Variants in PGM2 observed in about 807,000 individuals in gnomAD.
The protein encoded by PGM2 is phosphoglucomutase 2.
PGM2 carries 57 observed loss-of-function variants against 74.6 expected under a neutral mutation model. That is an observed-to-expected ratio of 0.76 (90% CI 0.62 to 0.95). The LOEUF is 0.95. PGM2 is among the 40% of genes least tolerant of loss of function. The pLI is 0.00. For synonymous variants in PGM2, 273 were observed against 260.7 expected, an observed-to-expected ratio of 1.05 and a Z score of -0.46; for missense variants, 706 against 741.9, an observed-to-expected ratio of 0.95 and a Z score of 0.56.
intron 7 of PGM2, 44 bp from the exon 8 acceptor site, chr4:37,845,589 C>A: frequency 7.6e-7 from 1 of 1,308,244 alleles, no homozygotes; most frequent in Non-Finnish European, 1.1e-6. Context: ...ATCATATGCT[C>A]GATTCTTGAT....
chr4:37,861,976 A>C lies in PGM2; in HGVS notation c.*364A>C, dbSNP rs1711792777. On this transcript the variant is annotated 3_prime_UTR_variant, in exon 14 of 14. Coordinates refer to ENST00000381967, the MANE Select transcript of PGM2 (RefSeq NM_018290.4). ...TAATGTGTGCTTGAAATATCCAGAA[A>C]ACCTATGGAGTTAGTAAATTCTGGG... 1 of 173,938 alleles carries C rather than the reference A, an allele frequency of 5.7e-6. No homozygotes were observed. 10.8% of individuals were successfully genotyped at this position (173,938 alleles called of 1,614,324 possible).
chr4:37,845,330 C>T (rs1034057405), intron 7 of PGM2, among the ~76,000 whole-genome samples: 1 of 152,174 alleles, frequency 6.6e-6, no homozygotes, highest in Non-Finnish European at 1.5e-5. Context: ...AGCAATGCCC[C>T]GAAATACCAG....
At chr4:37,847,180 C>T (rs756152375) in intron 9 of PGM2, 22 bp from the exon 10 acceptor site, 3 of 1,606,364 alleles carry the variant, frequency 1.9e-6, no homozygotes, top group East Asian at 2.2e-5. Context: ...GCATGTCTTT[C>T]TCTTTTGGAT....
intron 6 of PGM2, among the ~76,000 whole-genome samples, chr4:37,842,412 A>G (rs1257169765): frequency 6.6e-6 from 1 of 151,744 alleles, no homozygotes; most frequent in African/African-American, 2.4e-5. Flanking sequence ...TAGAACTATC[A>G]TGTTTGTGTT....
At chr4:37,835,491 G>A (rs911913205) in intron 3 of PGM2, among the ~76,000 whole-genome samples, 1 of 152,172 alleles carries the variant, frequency 6.6e-6, no homozygotes, top group Admixed American at 6.5e-5. Flanking sequence ...AAAATGGGCT[G>A]TAGTTACCAA....
chr4:37,826,816 GA>G lies in PGM2; in HGVS notation c.81+4del, dbSNP rs1388935420. The G allele has an allele frequency of 6.5e-7, 1 of 1,539,948 alleles. No individual in the cohort carries two copies. The highest frequency in any genetic ancestry group is 8.8e-7 in the Non-Finnish European group (1 of 1,138,306). ...CCCAGTGGCTGCGCTGGGACAAGGTGAGGGGCACCAGCAGGCGGGGAGCGCC... is the reference window on the plus strand; with the variant it reads ...CCCAGTGGCTGCGCTGGGACAAGGTGGGGGCACCAGCAGGCGGGGAGCGCC... On this transcript the variant is annotated splice_donor_region_variant and intron_variant, in intron 1 of 13. Transcript: ENST00000381967.
intron 2 of PGM2, among the ~76,000 whole-genome samples, chr4:37,833,549 A>AC (rs1433128419): frequency 6.6e-6 from 1 of 152,176 alleles, no homozygotes; most frequent in Non-Finnish European, 1.5e-5. Context: ...AGAGAGTGAG[A>AC]CCCCATCTCA....
At chr4:37,849,106 G>T (rs1725962215) in intron 11 of PGM2, among the ~76,000 whole-genome samples, 2 of 150,970 alleles carry the variant, frequency 1.3e-5, no homozygotes, top group Admixed American at 6.6e-5. Context: ...AAACTAAAGA[G>T]ATCACCTTTT....
intron 11 of PGM2, among the ~76,000 whole-genome samples, 200 bp downstream of exon 11, chr4:37,848,851 C>T (rs994071633): frequency 2.0e-5 from 3 of 152,176 alleles, no homozygotes; most frequent in African/African-American, 7.2e-5. Context: ...GGGTGGATCA[C>T]CTGAGGTCAG....
rs1726173746 is a variant in PGM2, at chr4:37,855,674, A to G, written c.1669A>G (p.Met557Val). Residue 557 changes from methionine to valine, a missense_variant, in exon 13 of 14, where the codon ATG (methionine) becomes GTG (valine). Coordinates refer to ENST00000381967, the MANE Select transcript of PGM2 (RefSeq NM_018290.4). ...CTTTGCTAATGGAGGCGTGGCCACC[A>G]TGCGCACCAGTGGGACAGAGCCCAA... Reference protein sequence around the residue: ...FTFANGGVATMRTSGTEPKIK... With the variant: ...FTFANGGVATVRTSGTEPKIK... The G allele has an allele frequency of 1.2e-6, 2 of 1,614,138 alleles. No individual in the cohort carries two copies. The highest frequency in any genetic ancestry group is 1.7e-6 in the Non-Finnish European group (2 of 1,179,990).
intron 2 of PGM2, among the ~76,000 whole-genome samples, chr4:37,832,966 G>A (rs560069033): frequency 2.0e-5 from 3 of 152,146 alleles, no homozygotes; most frequent in Non-Finnish European, 2.9e-5. Flanking sequence ...GCAGGCCTCC[G>A]AGATTTTTAG....
In PGM2 at chr4:37,836,862, G is replaced by GGTGT. The variant is rs57338198; in HGVS notation, c.357-650_357-647dup. On this transcript the variant is annotated intron_variant, in intron 3 of 13. Coordinates refer to ENST00000381967, the MANE Select transcript of PGM2 (RefSeq NM_018290.4). ...GAACCAAGATGTATATATGTGTATG[G>GGTGT]GTGTGTGTGTGTGTGTGTGTATACA... Among the ~76,000 whole-genome samples, 480 of 150,044 alleles carry GGTGT rather than the reference G, an allele frequency of 3.2e-3. 1 individual carries two copies. The highest frequency in any genetic ancestry group is 5.0e-3 in the Non-Finnish European group (339 of 67,312).
intron 1 of PGM2, 60 bp downstream of exon 1, chr4:37,826,873 A>T: frequency 8.3e-6 from 9 of 1,080,616 alleles, no homozygotes; most frequent in South Asian, 4.2e-5. Context: ...TGCCCTCTCC[A>T]GGCGCGGCGC....
chr4:37,855,187 C>T (rs1412556678), intron 12 of PGM2, among the ~76,000 whole-genome samples: 1 of 152,184 alleles, frequency 6.6e-6, no homozygotes, highest in Non-Finnish European at 1.5e-5. Context: ...CCCAAACTCC[C>T]CTCCCTTATC....
chr4:37,830,066 C>T lies in PGM2; in HGVS notation c.184C>T (p.Leu62Phe). The T allele has an allele frequency of 6.2e-7, 1 of 1,607,482 alleles. No homozygotes were observed. Among genetic ancestry groups the T allele is most frequent in the Non-Finnish European group, 8.5e-7 (1 of 1,176,832 alleles). The change falls in exon 2 of 14, where the codon CTC (leucine) becomes TTC (phenylalanine). Residue 62 changes from leucine (L) to phenylalanine (F), a missense_variant. Physicochemically the swap from Leu to Phe is conservative, Grantham distance 22 (BLOSUM62 0). Transcript: ENST00000381967. ...GARMEFGTAGLRAAMGPGISR... is the reference protein window; with the variant it reads ...GARMEFGTAGFRAAMGPGISR... ...CCGAATGGAGTTTGGGACAGCTGGCCTCCGAGCTGCTATGGGACCTGGAAT... is the reference window on the plus strand; with the variant it reads ...CCGAATGGAGTTTGGGACAGCTGGCTTCCGAGCTGCTATGGGACCTGGAAT...
chr4:37,840,841 G>A (rs1023043951), intron 6 of PGM2, among the ~76,000 whole-genome samples: 2 of 151,896 alleles, frequency 1.3e-5, no homozygotes, highest in African/African-American at 2.4e-5. Context: ...ATGAAATGTC[G>A]GCGAAGGAGT....
chr4:37,837,967 G>A (rs1725613078), intron 4 of PGM2, among the ~76,000 whole-genome samples: 2 of 151,896 alleles, frequency 1.3e-5, no homozygotes, highest in Non-Finnish European at 2.9e-5. Flanking sequence ...TGCAACCTCC[G>A]TGTCCCGGGT....
chr4:37,840,164 C>T lies in PGM2; in HGVS notation c.624C>T (p.Asp208=), dbSNP rs750611272. ...TAGAACCGTGGCCTCAAGCTTGGGA[C>T]GATTCTTTAATTGATAGCAGTCCAC... is the stretch of plus-strand genomic sequence containing the variant. ...ENLEPWPQAW[D]DSLIDSSPLL... Residue 208 remains aspartate (D), a synonymous_variant, in exon 6 of 14, where the codon GAC becomes GAT. Transcript: ENST00000381967. 1.7e-5 allele frequency: 28 copies of T among 1,612,350 alleles called. No homozygotes were observed. The highest frequency in any genetic ancestry group is 4.4e-5 in the South Asian group (4 of 91,044).
At chr4:37,841,100 A>ATATATATGTG (rs1202149456) in intron 6 of PGM2, among the ~76,000 whole-genome samples, 98 of 115,740 alleles carry the variant, frequency 8.5e-4, no homozygotes, top group East Asian at 4.5e-3. Flanking sequence ...ATATATATAT[A>ATATATATGTG]TGTGTGTGTG....
Sources: allele counts gnomAD v4.1 joint callset (sites outside exome capture counted in the v4.1 genomes callset), GRCh38; gene constraint gnomAD v4.1.1; transcripts MANE v1.5; gene names NCBI Gene and HGNC (gene_info 2026-07-23, HGNC 2026-07-21).